NME7: variants seen among roughly 807,000 people sequenced by gnomAD.
NME7 encodes nucleoside diphosphate kinase 7.
Under a neutral mutation model 49.1 loss-of-function variants are expected in NME7, and 41 were observed. The ratio of observed to expected loss-of-function variants is 0.83; its 90% CI spans 0.65 to 1.08. The LOEUF is 1.08. Ranked by LOEUF, NME7 falls within the 50% of genes least tolerant of loss-of-function variation. The pLI, the probability that NME7 is intolerant of heterozygous loss-of-function variation, is 0.00. For synonymous variants in NME7, 139 were observed against 150.6 expected, an observed-to-expected ratio of 0.92 and a Z score of 0.56; for missense variants, 423 against 463.4, an observed-to-expected ratio of 0.91 and a Z score of 0.80.
Position 169,269,688 on chromosome 1 carries a change from A to G in NME7, c.754+17615T>C, listed in dbSNP as rs374749792. 4.5e-5 allele frequency among the ~76,000 whole-genome samples: 6 copies of G among 133,476 alleles called. 2 individuals carry two copies. The highest frequency in any genetic ancestry group is 4.6e-4 in the South Asian group (2 of 4,328). The allele number at this position is 133,476 out of a possible 152,430, so 87.6% of individuals were successfully genotyped here. On this transcript the variant is annotated intron_variant, in intron 7 of 11. Coordinates refer to ENST00000367811, the MANE Select transcript of NME7 (RefSeq NM_013330.5). ...TAACCCAATTTCTAAAAGTGAGGAC[A>G]TGATAAATAAGACCTAGCGCCTACC...
In NME7 at chr1:169,339,655, G is replaced by A. The variant is rs79355399; in HGVS notation, c.4-15155C>T. ...CTATTGTACTACTTGGTCTGAAAGT[G>A]GATGTGCTAGACATTTTCCATTTGT... On this transcript the variant is annotated intron_variant, in intron 1 of 11. Coordinates refer to ENST00000367811, the MANE Select transcript of NME7 (RefSeq NM_013330.5). 2.3e-3 allele frequency among the ~76,000 whole-genome samples: 355 copies of A among 152,278 alleles called. 1 individual carries two copies. Among genetic ancestry groups the A allele is most frequent in the African/African-American group, 7.3e-3 (304 of 41,558 alleles).
rs189457333 is a variant in NME7 at position 169,219,091 on chromosome 1, A to G, written c.990+11627T>C. Reference sequence around the variant, plus strand: ...CAAGCCAAATTTAACTCCTTCTTTAAATTATAGCTCCAGGCATCATTTCCT... The same window carrying G: ...CAAGCCAAATTTAACTCCTTCTTTAGATTATAGCTCCAGGCATCATTTCCT... On this transcript the variant is annotated intron_variant, in intron 10 of 11. Coordinates refer to ENST00000367811, the MANE Select transcript of NME7 (RefSeq NM_013330.5). Among the ~76,000 whole-genome samples the G allele has an allele frequency of 4.5e-4, 68 of 152,150 alleles. No individual in the cohort carries two copies. The East Asian group carries it at 0.011, about 25-fold the overall frequency.
intron 11 of NME7, among the ~76,000 whole-genome samples, chr1:169,162,179 A>G (rs893334913): frequency 2.0e-5 from 3 of 152,138 alleles, no homozygotes; most frequent in Non-Finnish European, 2.9e-5. Flanking sequence ...TCCTTTGGGG[A>G]GACTGATTTG....
intron 7 of NME7, among the ~76,000 whole-genome samples, chr1:169,264,081 T>C (rs12725978): frequency 0.089 from 11,895 of 133,136 alleles, 3,209 homozygotes; most frequent in East Asian, 0.75. Context: ...ACCTGCCTTA[T>C]AAGAGCTCCT....
intron 1 of NME7, among the ~76,000 whole-genome samples, chr1:169,343,143 C>T (rs1015980808): frequency 6.6e-6 from 1 of 150,988 alleles, no homozygotes; most frequent in Non-Finnish European, 1.5e-5. Context: ...AACCTTTGGT[C>T]ACTTGTGTTT....
intron 3 of NME7, among the ~76,000 whole-genome samples, chr1:169,319,015 AAAATT>A (rs1210983122): frequency 9.3e-4 from 135 of 144,604 alleles, no homozygotes; most frequent in Middle Eastern, 3.4e-3. Context: ...TGTATTTATT[AAAATT>A]AAATTTAATT....
intron 10 of NME7, among the ~76,000 whole-genome samples, chr1:169,185,136 C>T (rs1321229188): frequency 6.6e-6 from 1 of 152,164 alleles, no homozygotes; most frequent in Non-Finnish European, 1.5e-5. Flanking sequence ...CAGCAAAATG[C>T]AATTGAGAGT....
At chr1:169,280,692 C>A (rs1370961969) in intron 7 of NME7, among the ~76,000 whole-genome samples, 1 of 147,792 alleles carries the variant, frequency 6.8e-6, no homozygotes, top group African/African-American at 2.5e-5. Context: ...GTTTTCCCAA[C>A]ACTATTTATT....
At chr1:169,256,510 T>C (rs1389442949) in intron 7 of NME7, among the ~76,000 whole-genome samples, 3 of 133,384 alleles carry the variant, frequency 2.2e-5, no homozygotes, top group Non-Finnish European at 5.3e-5. Flanking sequence ...TTGGTTTGAA[T>C]GCCCTCCAGT....
chr1:169,330,016 G>A (rs908360569), intron 1 of NME7, among the ~76,000 whole-genome samples: 3 of 152,114 alleles, frequency 2.0e-5, no homozygotes, highest in African/African-American at 7.2e-5. Flanking sequence ...GAACTTTACA[G>A]GCCAGGAGAG....
chr1:169,133,339 T>C (rs929723649), intron 11 of NME7, among the ~76,000 whole-genome samples: 1 of 152,210 alleles, frequency 6.6e-6, no homozygotes, highest in Non-Finnish European at 1.5e-5. Flanking sequence ...ATCAGGGCAT[T>C]GTATTTCTGA....
intron 11 of NME7, among the ~76,000 whole-genome samples, chr1:169,142,761 A>C (rs113313453): frequency 6.4e-4 from 98 of 152,316 alleles, no homozygotes; most frequent in African/African-American, 2.2e-3. Flanking sequence ...AGTGCAGGAA[A>C]GGGGTTTAGA....
intron 10 of NME7, among the ~76,000 whole-genome samples, chr1:169,213,310 T>C (rs183219328): frequency 2.4e-4 from 37 of 152,202 alleles, no homozygotes; most frequent in African/African-American, 8.2e-4. Flanking sequence ...CAAGTCAGTG[T>C]TCATGGTAAC....
chr1:169,364,210 C>G (rs1653766875), intron 1 of NME7, among the ~76,000 whole-genome samples: 1 of 152,098 alleles, frequency 6.6e-6, no homozygotes, highest in Non-Finnish European at 1.5e-5. Context: ...AGCATGAATT[C>G]CTCCAACAGT....
intron 10 of NME7, among the ~76,000 whole-genome samples, chr1:169,216,038 T>C (rs1024327690): frequency 2.6e-5 from 4 of 152,238 alleles, no homozygotes; most frequent in Admixed American, 1.3e-4. Context: ...AAGTAGAGCA[T>C]ACATACTGTA....
intron 10 of NME7, among the ~76,000 whole-genome samples, chr1:169,213,337 A>G (rs1660884968): frequency 6.6e-6 from 1 of 151,318 alleles, no homozygotes; most frequent in African/African-American, 2.4e-5. Context: ...GAACTTAACT[A>G]CTGTAAATAA....
At chr1:169,302,739 G>A (rs978393435) in intron 5 of NME7, among the ~76,000 whole-genome samples, 1 of 151,836 alleles carries the variant, frequency 6.6e-6, no homozygotes, top group African/African-American at 2.4e-5. Flanking sequence ...TAACAAACCT[G>A]CACATGTACC....
Position 169,324,465 on chromosome 1 carries a change from C to T in NME7, c.39G>A (p.Trp13Ter), listed in dbSNP as rs372956824. 1 of 1,612,690 alleles carries T rather than the reference C, an allele frequency of 6.2e-7. No individual in the cohort carries two copies. The highest frequency in any genetic ancestry group is 8.5e-7 in the Non-Finnish European group (1 of 1,178,990). Residue 13 changes from tryptophan (W) to a stop codon, truncating the protein, a stop_gained, in exon 2 of 12, where the codon TGG becomes TGA. Transcript: ENST00000367811. LOFTEE classifies it high-confidence loss of function. Reference sequence around the variant, plus strand: ...GAAGAAGTGAAGCATTTGGATCATACCACTCTGCAATGAAAACGAATCTTT... The same window carrying T: ...GAAGAAGTGAAGCATTTGGATCATATCACTCTGCAATGAAAACGAATCTTT... ...HSERFVFIAE[W>*]YDPNASLLRR...
Position 169,275,770 on chromosome 1 carries a change from C to G in NME7, c.754+11533G>C, listed in dbSNP as rs895567491. 3.0e-5 allele frequency among the ~76,000 whole-genome samples: 4 copies of G among 133,344 alleles called. 1 individual carries two copies. Among genetic ancestry groups the G allele is most frequent in the African/African-American group, 1.0e-4 (4 of 39,352 alleles). 87.5% of individuals were successfully genotyped at this position (133,344 alleles called of 152,430 possible). A position where few individuals can be genotyped will look rare whatever the true frequency, so the allele number is the denominator to read the frequency against. On this transcript the variant is annotated intron_variant, in intron 7 of 11. Transcript: ENST00000367811. ...GGCATCCCTGTCCTGTGCCAGTTTT[C>G]AAATGGAATGCTTCCAGTTTTTGCC...
Sources: gnomAD v4.1 joint callset for allele counts (sites outside exome capture counted in the v4.1 genomes callset) on GRCh38, gnomAD v4.1.1 for gene constraint, MANE v1.5 for transcripts, NCBI Gene and HGNC (gene_info 2026-07-23, HGNC 2026-07-21) for gene names.